PRICKLE2: variants seen among roughly 807,000 people sequenced by gnomAD.
PRICKLE2 encodes prickle-like protein 2.
Under a neutral mutation model 81.4 loss-of-function variants are expected in PRICKLE2, and 21 were observed. The ratio of observed to expected loss-of-function variants is 0.26; its 90% CI spans 0.18 to 0.37. The LOEUF is 0.37. Among genes scored for constraint, PRICKLE2 ranks in the 10% least tolerant of loss-of-function variants. The pLI is 1.00. For missense variants in PRICKLE2, 940 were observed against 1,109.0 expected (o/e 0.85, Z 2.16); for synonymous variants, 456 against 421.5 (o/e 1.08, Z -1.00).
At chr3:64,168,235 A>G (rs1575612485) in intron 2 of PRICKLE2, among the ~76,000 whole-genome samples, 1 of 152,162 alleles carries the variant, frequency 6.6e-6, no homozygotes, top group South Asian at 2.1e-4. Flanking sequence ...TTCTTGGCCG[A>G]TTTCAGAATC....
intron 2 of PRICKLE2, among the ~76,000 whole-genome samples, chr3:64,193,863 C>A (rs697281): frequency 2.6e-5 from 4 of 152,120 alleles, no homozygotes; most frequent in African/African-American, 9.6e-5. Context: ...TCTGCCATCA[C>A]TGTGAGACTT....
At chr3:64,196,735 CG>C (rs1054745611) in intron 2 of PRICKLE2, among the ~76,000 whole-genome samples, 3 of 152,018 alleles carry the variant, frequency 2.0e-5, no homozygotes, top group Non-Finnish European at 4.4e-5. Context: ...GATCACAAAA[CG>C]GAAGTGCCTG....
At chr3:64,122,383 T>C (rs2077041007) in intron 7 of PRICKLE2, among the ~76,000 whole-genome samples, 1 of 152,186 alleles carries the variant, frequency 6.6e-6, no homozygotes, top group Admixed American at 6.5e-5. Flanking sequence ...ACCACTGCTG[T>C]GTCAGAATCA....
At chr3:64,251,192 T>C (rs183869260) in intron 2 of PRICKLE2, among the ~76,000 whole-genome samples, 180 of 152,336 alleles carry the variant, frequency 1.2e-3, no homozygotes, top group African/African-American at 4.2e-3. Flanking sequence ...CTTCCATGAC[T>C]AAAAGGCTTA....
At chr3:64,210,083 C>G (rs573175665) in intron 1 of PRICKLE2, among the ~76,000 whole-genome samples, 1 of 152,156 alleles carries the variant, frequency 6.6e-6, no homozygotes. Flanking sequence ...AGTGACCAAA[C>G]TGGCTGGGCC....
intron 7 of PRICKLE2, among the ~76,000 whole-genome samples, chr3:64,130,489 G>A (rs1281319925): frequency 6.6e-6 from 1 of 152,112 alleles, no homozygotes; most frequent in Non-Finnish European, 1.5e-5. Context: ...ATTTCTAGGA[G>A]TTTTGGGTAG....
At chr3:64,253,513 T>A (rs1235583078) in intron 2 of PRICKLE2, among the ~76,000 whole-genome samples, 1 of 152,178 alleles carries the variant, frequency 6.6e-6, no homozygotes, top group African/African-American at 2.4e-5. Flanking sequence ...AAGATTGGCC[T>A]AAAAATAACA....
intron 2 of PRICKLE2, among the ~76,000 whole-genome samples, chr3:64,195,488 C>T (rs1344345601): frequency 1.3e-5 from 2 of 152,282 alleles, no homozygotes; most frequent in East Asian, 1.9e-4. Flanking sequence ...AAGTACATTA[C>T]TCTCAACCCT....
intron 2 of PRICKLE2, among the ~76,000 whole-genome samples, chr3:64,260,869 T>A (rs2079606284): frequency 6.6e-6 from 1 of 152,252 alleles, no homozygotes; most frequent in South Asian, 2.1e-4. Context: ...ATATGTTTAC[T>A]GCTTTCTGAG....
chr3:64,092,558 G>A lies in PRICKLE2; in HGVS notation c.*6493C>T, dbSNP rs1017972576. 2.0e-5 allele frequency: 3 copies of A among 152,170 alleles called. No individual in the cohort carries two copies. The highest frequency in any genetic ancestry group is 6.5e-5 in the Admixed American group (1 of 15,270). 9.4% of individuals were successfully genotyped at this position (152,170 alleles called of 1,614,324 possible). On this transcript the variant is annotated 3_prime_UTR_variant, in exon 8 of 8. Coordinates refer to ENST00000638394, the MANE Select transcript of PRICKLE2 (RefSeq NM_198859.4). ...GTCCCTAATGTTGTGGATCAGACACGGGGAAATTGAATTTACATGCTGCCT... is the reference window on the plus strand; with the variant it reads ...GTCCCTAATGTTGTGGATCAGACACAGGGAAATTGAATTTACATGCTGCCT...
At chr3:64,111,590 G>C (rs1477255653) in intron 7 of PRICKLE2, among the ~76,000 whole-genome samples, 3 of 152,120 alleles carry the variant, frequency 2.0e-5, no homozygotes, top group Non-Finnish European at 4.4e-5. Flanking sequence ...TTAATGTATA[G>C]TTTTCTATTG....
intron 1 of PRICKLE2, among the ~76,000 whole-genome samples, chr3:64,214,405 G>T (rs2078840344): frequency 6.6e-6 from 1 of 152,322 alleles, no homozygotes; most frequent in East Asian, 1.9e-4. Flanking sequence ...AACAGGGAAA[G>T]ACATTATTTT....
chr3:64,177,772 G>A (rs1294688127), intron 2 of PRICKLE2, among the ~76,000 whole-genome samples: 1 of 152,168 alleles, frequency 6.6e-6, no homozygotes, highest in East Asian at 1.9e-4. Context: ...TTCACTGCAT[G>A]TATATACCAC....
chr3:64,206,034 T>C (rs2078681740), intron 1 of PRICKLE2, among the ~76,000 whole-genome samples: 1 of 152,216 alleles, frequency 6.6e-6, no homozygotes, highest in East Asian at 1.9e-4. Flanking sequence ...AGAAAAAATA[T>C]AGAGGCTATT....
intron 5 of PRICKLE2, among the ~76,000 whole-genome samples, chr3:64,156,334 G>A (rs1378150744): frequency 2.0e-5 from 3 of 152,138 alleles, no homozygotes; most frequent in South Asian, 2.1e-4. Context: ...AGGCTGTCTG[G>A]CTGAAAAAGG....
upstream of PRICKLE2, among the ~76,000 whole-genome samples, chr3:64,229,278 G>C (rs1462818786): frequency 6.6e-6 from 1 of 152,074 alleles, no homozygotes; most frequent in Non-Finnish European, 1.5e-5. Flanking sequence ...GCCAGCTTTA[G>C]GCAGCATCTT....
chr3:64,265,441 C>T (rs1054710378), intron 2 of PRICKLE2, among the ~76,000 whole-genome samples: 1 of 152,178 alleles, frequency 6.6e-6, no homozygotes, highest in Admixed American at 6.5e-5. Flanking sequence ...TAGCGCTCTC[C>T]TACTTTATGA....
chr3:64,222,159 G>C (rs971103520), intron 1 of PRICKLE2, among the ~76,000 whole-genome samples: 1 of 152,132 alleles, frequency 6.6e-6, no homozygotes, highest in Non-Finnish European at 1.5e-5. Context: ...ATGCATTCAG[G>C]GGACTTTATT....
intron 6 of PRICKLE2, among the ~76,000 whole-genome samples, chr3:64,149,963 C>T (rs963644902): frequency 2.8e-5 from 4 of 141,220 alleles, no homozygotes; most frequent in Non-Finnish European, 6.0e-5. Flanking sequence ...ACTGAATCAA[C>T]TCCATCTTTT....
Sources: allele counts gnomAD v4.1 joint callset (sites outside exome capture counted in the v4.1 genomes callset), GRCh38; gene constraint gnomAD v4.1.1; transcripts MANE v1.5; gene names NCBI Gene and HGNC (gene_info 2026-07-23, HGNC 2026-07-21).